Variants in BCL9 observed in about 807,000 individuals in gnomAD.
BCL9 encodes the protein BCL9 transcription coactivator, also known as B-cell CLL/lymphoma 9 protein.
Under a neutral mutation model 88.5 loss-of-function variants are expected in BCL9, and 25 were observed. That is an observed-to-expected ratio of 0.28 (90% confidence interval 0.21 to 0.39). The LOEUF (loss-of-function observed/expected upper bound fraction) is 0.39, where lower values mean the gene tolerates loss of function less well. Among genes scored for constraint, BCL9 ranks in the 10% least tolerant of loss-of-function variants. BCL9 has a pLI of 1.00. For missense variants in BCL9, 1,817 were observed against 1,877.8 expected, an observed-to-expected ratio of 0.97 and a Z score of 0.60; for synonymous variants, 711 against 673.3, an observed-to-expected ratio of 1.06 and a Z score of -0.87.
chr1:147,543,135 GA>G (rs1381078406), intron 1 of BCL9, among the ~76,000 whole-genome samples: 2 of 151,586 alleles, frequency 1.3e-5, no homozygotes, highest in South Asian at 2.1e-4. Context: ...TTTTTTTGAG[GA>G]AAAAAAATGT....
rs188937525 is a variant in BCL9, at chr1:147,560,715, C to G, written c.-478+19041C>G. Among the ~76,000 whole-genome samples, 28 of 152,014 alleles carry G rather than the reference C, an allele frequency of 1.8e-4. No homozygotes were observed. In the East Asian group the frequency reaches 5.0e-3, roughly 27 times the overall value. On this transcript the variant is annotated intron_variant, in intron 1 of 9. Transcript: ENST00000234739. ...TGACTTGAGCCTAGGAGTTTAAGAC[C>G]AGCCCTGGCAACATAGTGAGACCTC...
At chr1:147,584,105 T>C (rs994317592) in intron 1 of BCL9, among the ~76,000 whole-genome samples, 6 of 150,694 alleles carry the variant, frequency 4.0e-5, no homozygotes, top group Admixed American at 6.6e-5. Flanking sequence ...TGGAGTGCAA[T>C]GGTGTGATCT....
chr1:147,549,446 G>C (rs1444846674), intron 1 of BCL9, among the ~76,000 whole-genome samples: 1 of 152,074 alleles, frequency 6.6e-6, no homozygotes, highest in Non-Finnish European at 1.5e-5. Flanking sequence ...TTAATATTTA[G>C]GTAGTAGCTA....
chr1:147,618,855 C>T lies in BCL9; in HGVS notation c.700C>T (p.Leu234Phe). The T allele has an allele frequency of 6.3e-7, 1 of 1,590,724 alleles. No homozygotes were observed. The highest frequency in any genetic ancestry group is 8.5e-7 in the Non-Finnish European group (1 of 1,169,938). ...TGCCCTTCGGAATGATCCGAAACCT[C>T]TCCCACAACAGCCCCCAGCTCCGGC... is the stretch of plus-strand genomic sequence containing the variant. Reference protein sequence around the residue: ...ISALRNDPKPLPQQPPAPANQ... With the variant: ...ISALRNDPKPFPQQPPAPANQ... Residue 234 changes from leucine to phenylalanine, a missense_variant, in exon 8 of 10, where the codon CTC (leucine) becomes TTC (phenylalanine). Leu to Phe is a conservative substitution (Grantham distance 22). Coordinates refer to ENST00000234739, the MANE Select transcript of BCL9 (RefSeq NM_004326.4).
intron 8 of BCL9, 105 bp from the exon 9 acceptor site, chr1:147,622,166 C>G: frequency 7.0e-7 from 1 of 1,433,874 alleles, no homozygotes; most frequent in Non-Finnish European, 9.6e-7. Flanking sequence ...CTGTCCTGTT[C>G]ATCTGTCTCA....
At position 147,554,695 on chromosome 1, in the gene BCL9, G is replaced by C. The variant is rs587677870; in HGVS notation, c.-478+13021G>C. ...ACCTGGGTTCTAGTCCTTGCTCCCT[G>C]TTTATTGTCTGCGCAACCTTGAATG... On this transcript the variant is annotated intron_variant, in intron 1 of 9. Coordinates refer to ENST00000234739, the MANE Select transcript of BCL9 (RefSeq NM_004326.4). Among the ~76,000 whole-genome samples, 3 of 152,320 alleles carry C rather than the reference G, an allele frequency of 2.0e-5. No homozygotes were observed. The South Asian group carries it at 6.2e-4, about 32-fold the overall frequency.
intron 2 of BCL9, among the ~76,000 whole-genome samples, chr1:147,605,239 T>C (rs587715659): frequency 6.6e-6 from 1 of 152,358 alleles, no homozygotes; most frequent in South Asian, 2.1e-4. Flanking sequence ...AAGCTCATTA[T>C]AATACATGGA....
At chr1:147,603,594 T>C (rs1458149429) in intron 1 of BCL9, among the ~76,000 whole-genome samples, 3 of 152,100 alleles carry the variant, frequency 2.0e-5, no homozygotes, top group African/African-American at 7.2e-5. Context: ...CTCCACCTCC[T>C]GGGTTCAAGC....
chr1:147,548,177 G>C (rs76761592), intron 1 of BCL9, among the ~76,000 whole-genome samples: 4 of 152,280 alleles, frequency 2.6e-5, no homozygotes, highest in Non-Finnish European at 5.9e-5. Flanking sequence ...GGCTTGTGTA[G>C]TTAGTATATG....
At chr1:147,591,718 A>G (rs1210722336) in intron 1 of BCL9, among the ~76,000 whole-genome samples, 4 of 151,944 alleles carry the variant, frequency 2.6e-5, no homozygotes, top group African/African-American at 9.7e-5. Flanking sequence ...CCTCCTGGCC[A>G]TCCTCCCCTC....
intron 4 of BCL9, among the ~76,000 whole-genome samples, chr1:147,612,454 A>T (rs150949955): frequency 1.3e-5 from 2 of 152,274 alleles, no homozygotes; most frequent in African/African-American, 4.8e-5. Flanking sequence ...CTTTGGGACC[A>T]GCTTGCATTT....
intron 1 of BCL9, among the ~76,000 whole-genome samples, chr1:147,601,509 AACAG>A (rs1440215347): frequency 3.9e-5 from 6 of 152,214 alleles, no homozygotes; most frequent in Admixed American, 1.3e-4. Flanking sequence ...AATTAGAACT[AACAG>A]ACAGTAAGGA....
chr1:147,613,213 A>G lies in BCL9; in HGVS notation c.370+14A>G, dbSNP rs369438131. The G allele has an allele frequency of 1.9e-6, 3 of 1,613,722 alleles. No homozygotes were observed. Among genetic ancestry groups the G allele is most frequent in the Admixed American group, 3.3e-5 (2 of 60,014 alleles). ...CTGACATTAAAGGTATGTCTATAAGATCTTTGAGACTCAGAGGGAAGTAGG... is the reference window on the plus strand; with the variant it reads ...CTGACATTAAAGGTATGTCTATAAGGTCTTTGAGACTCAGAGGGAAGTAGG... On this transcript the variant is annotated intron_variant, in intron 5 of 9. Coordinates refer to ENST00000234739, the MANE Select transcript of BCL9 (RefSeq NM_004326.4).
intron 1 of BCL9, among the ~76,000 whole-genome samples, chr1:147,562,051 G>A (rs1471998982): frequency 2.0e-5 from 3 of 152,128 alleles, no homozygotes; most frequent in Non-Finnish European, 2.9e-5. Flanking sequence ...GGTAGAGGCC[G>A]GGCGTGGTGG....
intron 5 of BCL9, among the ~76,000 whole-genome samples, chr1:147,613,735 CAGA>C (rs1553203176): frequency 6.6e-6 from 1 of 152,082 alleles, no homozygotes; most frequent in Non-Finnish European, 1.5e-5. Flanking sequence ...GAGTGGCTAC[CAGA>C]TGTGTAGAGA....
chr1:147,568,482 G>GAA (rs201771944), intron 1 of BCL9, among the ~76,000 whole-genome samples: 102,372 of 148,552 alleles, frequency 0.69, 35,719 homozygotes, highest in African/African-American at 0.8. Context: ...AAGCAAAAAA[G>GAA]AAAAAAAAAA....
chr1:147,595,667 T>C (rs1009193453), intron 1 of BCL9, among the ~76,000 whole-genome samples: 2 of 152,058 alleles, frequency 1.3e-5, no homozygotes, highest in South Asian at 2.1e-4. Flanking sequence ...CTGGGCAACA[T>C]AGTGAGACTA....
chr1:147,564,036 G>A (rs1655497669), intron 1 of BCL9, among the ~76,000 whole-genome samples: 1 of 152,288 alleles, frequency 6.6e-6, no homozygotes, highest in South Asian at 2.1e-4. Flanking sequence ...GAGGAGTGGG[G>A]GTGAAAGGGT....
At chr1:147,580,089 C>G (rs1212762877) in intron 1 of BCL9, among the ~76,000 whole-genome samples, 1 of 152,190 alleles carries the variant, frequency 6.6e-6, no homozygotes, top group Non-Finnish European at 1.5e-5. Context: ...TTCATCCTCC[C>G]TGCCTCCATG....
Sources: allele counts gnomAD v4.1 joint callset (sites outside exome capture counted in the v4.1 genomes callset), GRCh38; gene constraint gnomAD v4.1.1; transcripts MANE v1.5; gene names NCBI Gene and HGNC (gene_info 2026-07-23, HGNC 2026-07-21).